Variants in OR8D4 observed in about 807,000 individuals in gnomAD.
OR8D4 encodes the protein olfactory receptor family 8 subfamily D member 4, also known as olfactory receptor 8D4.
For synonymous variants in OR8D4, 141 were observed against 134.8 expected, an observed-to-expected ratio of 1.05 and a Z score of -0.32; for missense variants, 359 against 372.6, an observed-to-expected ratio of 0.96 and a Z score of 0.30.
At position 123,906,914 on chromosome 11, in the gene OR8D4, T is replaced by C; in HGVS notation, c.483T>C (p.Gly161=). 1.2e-6 allele frequency: 2 copies of C among 1,613,936 alleles called. No homozygotes were observed. The highest frequency in any genetic ancestry group is 2.2e-5 in the East Asian group (1 of 44,864). Residue 161 remains glycine (G), a synonymous_variant, in exon 2 of 2, where the codon GGT becomes GGC. Transcript: ENST00000641687. ...TCACTGATGCTGTGATCCATGGAGG[T>C]TGTATACTCAGGTTGTCTTTCTGTG... ...VGFTDAVIHG[G]CILRLSFCGS... is the part of the protein sequence containing the mutation.
Position 123,907,142 on chromosome 11 carries a change from G to C in OR8D4, c.711G>C (p.Ala237=). 6.2e-7 allele frequency: 1 copy of C among 1,613,914 alleles called. No individual in the cohort carries two copies. Among genetic ancestry groups the C allele is most frequent in the Non-Finnish European group, 8.5e-7 (1 of 1,179,880 alleles). Residue 237 remains alanine, a synonymous_variant, in exon 2 of 2, where the codon GCG becomes GCC. Transcript: ENST00000641687. ...RIHSKKGRCK[A]FSTCSSHLTA... ...ACTCTAAAAAGGGCAGGTGCAAAGC[G>C]TTTAGCACCTGTAGCTCCCACCTGA...
rs777891511 is a variant in OR8D4 at position 123,907,130 on chromosome 11, C to T, written c.699C>T (p.Gly233=). Residue 233 remains glycine (G), a synonymous_variant, in exon 2 of 2, where the codon GGC becomes GGT. Transcript: ENST00000641687. ...TCCTGCGCATCCACTCTAAAAAGGG[C>T]AGGTGCAAAGCGTTTAGCACCTGTA... is the stretch of plus-strand genomic sequence containing the variant. ...TSILRIHSKK[G]RCKAFSTCSS... 184 of 1,613,816 alleles carry T rather than the reference C, an allele frequency of 1.1e-4. No individual in the cohort carries two copies. The highest frequency in any genetic ancestry group is 1.5e-4 in the Non-Finnish European group (173 of 1,179,892).
At position 123,907,132 on chromosome 11, in the gene OR8D4, G is replaced by A. The variant is rs1296881348; in HGVS notation, c.701G>A (p.Arg234Lys). Residue 234 changes from arginine to lysine, a missense_variant, in exon 2 of 2, where the codon AGG becomes AAG. By Grantham distance (26) the Arg-to-Lys change is conservative. Coordinates refer to ENST00000641687, the MANE Select transcript of OR8D4 (RefSeq NM_001005197.2). ...SILRIHSKKG[R>K]CKAFSTCSSH... is the part of the protein sequence containing the mutation. ...CTGCGCATCCACTCTAAAAAGGGCAGGTGCAAAGCGTTTAGCACCTGTAGC... is the reference window on the plus strand; with the variant it reads ...CTGCGCATCCACTCTAAAAAGGGCAAGTGCAAAGCGTTTAGCACCTGTAGC... 8 of 1,613,790 alleles carry A rather than the reference G, an allele frequency of 5.0e-6. No individual in the cohort carries two copies. The highest frequency in any genetic ancestry group is 1.7e-5 in the Admixed American group (1 of 59,988).
At chr11:123,904,875 G>A (rs1307319632) in intron 1 of OR8D4, among the ~76,000 whole-genome samples, 1 of 152,204 alleles carries the variant, frequency 6.6e-6, no homozygotes, top group Non-Finnish European at 1.5e-5. Context: ...TGGGCAGAAT[G>A]AGAAAATGCA....
intron 1 of OR8D4, among the ~76,000 whole-genome samples, chr11:123,903,830 G>A (rs993193749): frequency 6.6e-6 from 1 of 152,118 alleles, no homozygotes; most frequent in African/African-American, 2.4e-5. Flanking sequence ...TCAAATAGGT[G>A]GCAAAATACT....
At chr11:123,904,281 A>C (rs1863182734) in intron 1 of OR8D4, among the ~76,000 whole-genome samples, 1 of 152,182 alleles carries the variant, frequency 6.6e-6, no homozygotes, top group Admixed American at 6.5e-5. Context: ...AGGACACTAG[A>C]ATAAAACAAG....
At position 123,906,777 on chromosome 11, in the gene OR8D4, G is replaced by T. The variant is rs753647317; in HGVS notation, c.346G>T (p.Ala116Ser). The T allele has an allele frequency of 6.2e-7, 1 of 1,613,784 alleles. No homozygotes were observed. The highest frequency in any genetic ancestry group is 2.2e-5 in the East Asian group (1 of 44,856). The change falls in exon 2 of 2, where the codon GCA becomes TCA. Residue 116 changes from alanine to serine, a missense_variant. Transcript: ENST00000641687. ...TGTTATTTCTGAATGCTACATGCTG[G>T]CAGCCATGGCCTGCGATCGCTACGT... ...VCVISECYMLAAMACDRYVAI... is the reference protein window; with the variant it reads ...VCVISECYMLSAMACDRYVAI...
intron 1 of OR8D4, among the ~76,000 whole-genome samples, chr11:123,902,589 TTTA>T (rs1271051127): frequency 6.6e-6 from 1 of 152,224 alleles, no homozygotes; most frequent in East Asian, 1.9e-4. Context: ...TTTTGAAGTA[TTTA>T]TTATTTTTTA....
chr11:123,907,334 G>C lies in OR8D4; in HGVS notation c.903G>C (p.Leu301=). 1 of 1,498,524 alleles carries C rather than the reference G, an allele frequency of 6.7e-7. No individual in the cohort carries two copies. Among genetic ancestry groups the C allele is most frequent in the Non-Finnish European group, 9.1e-7 (1 of 1,093,866 alleles). The allele number at this position is 1,498,524 out of a possible 1,614,324, so 92.8% of individuals were successfully genotyped here. A position where few individuals can be genotyped will look rare whatever the true frequency, so the allele number is the denominator to read the frequency against. ...GGAACAATGAAGTAAGAAATGCTCT[G>C]ATGAAACTTTTAAGAAGAAAAATAT... ...SLRNNEVRNA[L]MKLLRRKISL... The change falls in exon 2 of 2, where the codon CTG becomes CTC. Residue 301 remains leucine (L), a synonymous_variant. Transcript: ENST00000641687.
chr11:123,903,408 G>A (rs1249696204), intron 1 of OR8D4, among the ~76,000 whole-genome samples: 1 of 152,000 alleles, frequency 6.6e-6, no homozygotes, highest in Non-Finnish European at 1.5e-5. Flanking sequence ...AATTGCCCGT[G>A]TGTCTGCATT....
At position 123,906,746 on chromosome 11, in the gene OR8D4, T is replaced by C. The variant is rs766345568; in HGVS notation, c.315T>C (p.Cys105=). ...SGCMIQLFFF[C]VCVISECYML... is the part of the protein sequence containing the mutation. ...GCATGATTCAGCTGTTTTTTTTCTG[T>C]GTTTGTGTTATTTCTGAATGCTACA... The change falls in exon 2 of 2, where the codon TGT becomes TGC. Residue 105 remains cysteine (C), a synonymous_variant. Transcript: ENST00000641687. 5.6e-6 allele frequency: 9 copies of C among 1,613,846 alleles called. No individual in the cohort carries two copies. The highest frequency in any genetic ancestry group is 3.3e-4 in the Middle Eastern group (2 of 6,084).
At position 123,907,129 on chromosome 11, in the gene OR8D4, G is replaced by A. The variant is rs1863210105; in HGVS notation, c.698G>A (p.Gly233Asp). The A allele has an allele frequency of 6.2e-7, 1 of 1,613,862 alleles. No homozygotes were observed. Among genetic ancestry groups the A allele is most frequent in the Non-Finnish European group, 8.5e-7 (1 of 1,179,888 alleles). Residue 233 changes from glycine to aspartate, a missense_variant, in exon 2 of 2, where the codon GGC becomes GAC. Physicochemically the swap from Gly to Asp is moderately conservative, Grantham distance 94 (BLOSUM62 -1). Transcript: ENST00000641687. ...TSILRIHSKK[G>D]RCKAFSTCSS... ...ATCCTGCGCATCCACTCTAAAAAGG[G>A]CAGGTGCAAAGCGTTTAGCACCTGT...
chr11:123,902,838 T>C (rs570352295), intron 1 of OR8D4, among the ~76,000 whole-genome samples: 2 of 152,300 alleles, frequency 1.3e-5, no homozygotes, highest in East Asian at 3.9e-4. Context: ...AGGTGGCTAC[T>C]GAGCATTTGA....
Position 123,906,670 on chromosome 11 carries a change from A to C in OR8D4, c.239A>C (p.Lys80Thr). 2 of 1,613,544 alleles carry C rather than the reference A, an allele frequency of 1.2e-6. No individual in the cohort carries two copies. The highest frequency in any genetic ancestry group is 1.7e-6 in the Non-Finnish European group (2 of 1,179,502). ...TGCTATTCTTCTGTCATTACCCCTAAAATGCTATCAGGGTTTTTATGCAGA... is the reference window on the plus strand; with the variant it reads ...TGCTATTCTTCTGTCATTACCCCTACAATGCTATCAGGGTTTTTATGCAGA... ...DFCYSSVITP[K>T]MLSGFLCRDR... Residue 80 changes from lysine to threonine, a missense_variant, in exon 2 of 2, where the codon AAA (lysine) becomes ACA (threonine). By Grantham distance (78) the Lys-to-Thr change is moderately conservative. Transcript: ENST00000641687.
At chr11:123,905,350 A>C (rs1591437986) in intron 1 of OR8D4, among the ~76,000 whole-genome samples, 1 of 152,232 alleles carries the variant, frequency 6.6e-6, no homozygotes, top group Non-Finnish European at 1.5e-5. Context: ...AATGTTTTTA[A>C]AAAGTGTGAA....
Position 123,903,182 on chromosome 11 carries a change from G to T in OR8D4, c.-16+925G>T, listed in dbSNP as rs892263512. Among the ~76,000 whole-genome samples, 25 of 113,064 alleles carry T rather than the reference G, an allele frequency of 2.2e-4. 1 individual carries two copies. Among genetic ancestry groups the T allele is most frequent in the Admixed American group, 1.4e-3 (14 of 9,726 alleles). The allele number at this position is 113,064 out of a possible 152,430, so 74.2% of individuals were successfully genotyped here. ...ATAAGTAATCTAGAGATGATTTAAAGTATACAAAAGGATGTGCTTAGTTAG... is the reference window on the plus strand; with the variant it reads ...ATAAGTAATCTAGAGATGATTTAAATTATACAAAAGGATGTGCTTAGTTAG... On this transcript the variant is annotated intron_variant, in intron 1 of 1. Coordinates refer to ENST00000641687, the MANE Select transcript of OR8D4 (RefSeq NM_001005197.2).
Position 123,906,438 on chromosome 11 carries a change from G to A in OR8D4, c.7G>A (p.Val3Ile). MG[V>I]KNHSTVTEFL... ...ACAGATTTCTCAGAGAAGAATGGGT[G>A]TAAAAAACCATTCCACAGTGACTGA... The change falls in exon 2 of 2, where the codon GTA becomes ATA. Residue 3 changes from valine to isoleucine, a missense_variant. Coordinates refer to ENST00000641687, the MANE Select transcript of OR8D4 (RefSeq NM_001005197.2). 2 of 1,593,048 alleles carry A rather than the reference G, an allele frequency of 1.3e-6. No individual in the cohort carries two copies. Among genetic ancestry groups the A allele is most frequent in the East Asian group, 2.2e-5 (1 of 44,500 alleles).
In OR8D4 at chr11:123,908,520, T is replaced by C. The variant is rs1863224447; in HGVS notation, c.*1144T>C. 6.6e-6 allele frequency: 1 copy of C among 152,210 alleles called. No homozygotes were observed. Among genetic ancestry groups the C allele is most frequent in the Non-Finnish European group, 1.5e-5 (1 of 68,020 alleles). The allele number at this position is 152,210 out of a possible 1,614,324, so 9.4% of individuals were successfully genotyped here. The stretch of plus-strand genomic sequence containing the variant: ...CAGCATATGCTTATCATGGACACCA[T>C]GTGCCAGGCACTGTTCTGAGTGTTG... On this transcript the variant is annotated 3_prime_UTR_variant, in exon 2 of 2. Transcript: ENST00000641687.
rs1245419907 is a variant in OR8D4 at position 123,906,909 on chromosome 11, G to A, written c.478G>A (p.Gly160Arg). Residue 160 changes from glycine (G) to arginine (R), a missense_variant, in exon 2 of 2, where the codon GGA (glycine) becomes AGA (arginine). Coordinates refer to ENST00000641687, the MANE Select transcript of OR8D4 (RefSeq NM_001005197.2). ...SVGFTDAVIH[G>R]GCILRLSFCG... The stretch of plus-strand genomic sequence containing the variant: ...AGGTTTCACTGATGCTGTGATCCAT[G>A]GAGGTTGTATACTCAGGTTGTCTTT... The A allele has an allele frequency of 5.0e-6, 8 of 1,613,922 alleles. No individual in the cohort carries two copies. Among genetic ancestry groups the A allele is most frequent in the Non-Finnish European group, 6.8e-6 (8 of 1,179,870 alleles).
Sources: allele counts gnomAD v4.1 joint callset (sites outside exome capture counted in the v4.1 genomes callset), GRCh38; gene constraint gnomAD v4.1.1; transcripts MANE v1.5; gene names NCBI Gene and HGNC (gene_info 2026-07-23, HGNC 2026-07-21).